ELMO1: variants seen among roughly 807,000 people sequenced by gnomAD.
ELMO1 encodes engulfment and cell motility protein 1.
In ELMO1, 26 loss-of-function variants were observed where a neutral mutation model predicts 98.9. The observed-to-expected ratio is 0.26, with a 90% confidence interval of 0.19 to 0.36. The LOEUF (loss-of-function observed/expected upper bound fraction) is 0.36, where lower values mean the gene tolerates loss of function less well. Among genes scored for constraint, ELMO1 ranks in the 10% least tolerant of loss-of-function variants. The pLI, the probability that ELMO1 is intolerant of heterozygous loss-of-function variation, is 1.00. For missense variants in ELMO1, 627 were observed against 935.2 expected (o/e 0.67, Z 4.30); for synonymous variants, 346 against 346.0 (o/e 1.00, Z 0.00).
intron 15 of ELMO1, among the ~76,000 whole-genome samples, chr7:37,035,567 G>A (rs1022353023): frequency 8.5e-5 from 13 of 152,212 alleles, no homozygotes; most frequent in African/African-American, 2.4e-4. Context: ...AGCTTGAAAT[G>A]TCAGGCAACT....
intron 15 of ELMO1, among the ~76,000 whole-genome samples, chr7:37,061,299 A>G (rs1310509148): frequency 6.6e-6 from 1 of 152,222 alleles, no homozygotes; most frequent in Non-Finnish European, 1.5e-5. Flanking sequence ...GGGTTTCTAC[A>G]TAGAGTTAGC....
Position 37,121,601 on chromosome 7 carries a change from A to C in ELMO1, c.1191+11529T>G, listed in dbSNP as rs550182746. 6.7e-3 allele frequency among the ~76,000 whole-genome samples: 1,014 copies of C among 152,314 alleles called. 10 individuals carry two copies. Among genetic ancestry groups the C allele is most frequent in the African/African-American group, 0.023 (960 of 41,566 alleles). ...AAAAAGAATAAAAAGAAATGAACAA[A>C]GCCTCCAAGAAATATGGGACTATGT... is the stretch of plus-strand genomic sequence containing the variant. On this transcript the variant is annotated intron_variant, in intron 14 of 21. Coordinates refer to ENST00000310758, the MANE Select transcript of ELMO1 (RefSeq NM_014800.11).
chr7:37,051,180 G>A (rs922901999), intron 15 of ELMO1, among the ~76,000 whole-genome samples: 1 of 152,196 alleles, frequency 6.6e-6, no homozygotes, highest in African/African-American at 2.4e-5. Flanking sequence ...AGTGCTAGAA[G>A]AAATGAGAAG....
intron 21 of ELMO1, among the ~76,000 whole-genome samples, chr7:36,858,099 T>C (rs184060111): frequency 2.0e-5 from 3 of 152,340 alleles, no homozygotes; most frequent in Admixed American, 1.3e-4. Context: ...TTGTTCTTCT[T>C]TGAAAGATGC....
intron 16 of ELMO1, among the ~76,000 whole-genome samples, chr7:36,938,205 C>T (rs138719112): frequency 6.6e-6 from 1 of 152,264 alleles, no homozygotes; most frequent in African/African-American, 2.4e-5. Flanking sequence ...GTGTTTCTTC[C>T]AGTTATAGTT....
intron 1 of ELMO1, among the ~76,000 whole-genome samples, chr7:37,418,917 G>T (rs150791576): frequency 1.3e-5 from 2 of 152,080 alleles, no homozygotes; most frequent in Admixed American, 6.6e-5. Context: ...TCGGGTACTC[G>T]CAACAAGACT....
intron 16 of ELMO1, among the ~76,000 whole-genome samples, chr7:36,920,694 C>T (rs562950709): frequency 1.1e-3 from 168 of 152,262 alleles, no homozygotes; most frequent in African/African-American, 3.7e-3. Flanking sequence ...AATTTAAGAA[C>T]AGAATTTTCC....
intron 16 of ELMO1, among the ~76,000 whole-genome samples, chr7:36,973,292 G>C (rs1424506005): frequency 6.6e-6 from 1 of 152,180 alleles, no homozygotes; most frequent in Non-Finnish European, 1.5e-5. Flanking sequence ...TTCTCCCCTA[G>C]CTGGCTAATC....
intron 18 of ELMO1, among the ~76,000 whole-genome samples, chr7:36,885,621 CA>C (rs1804912574): frequency 6.6e-6 from 1 of 151,850 alleles, no homozygotes. Context: ...CAATATATCC[CA>C]AACATTGATT....
chr7:37,175,554 A>T (rs1790453075), intron 13 of ELMO1, among the ~76,000 whole-genome samples: 1 of 152,124 alleles, frequency 6.6e-6, no homozygotes, highest in Non-Finnish European at 1.5e-5. Context: ...GCCCAACTCA[A>T]AACCCAACAG....
intron 15 of ELMO1, among the ~76,000 whole-genome samples, chr7:37,081,424 G>T (rs922355579): frequency 6.6e-5 from 10 of 152,290 alleles, no homozygotes; most frequent in African/African-American, 2.4e-4. Flanking sequence ...TCACCTAGGA[G>T]AATTTGGTAC....
intron 18 of ELMO1, among the ~76,000 whole-genome samples, chr7:36,879,731 G>T (rs1401982198): frequency 6.6e-6 from 1 of 152,064 alleles, no homozygotes; most frequent in African/African-American, 2.4e-5. Flanking sequence ...GAACTCTAGT[G>T]GAAAAAATTG....
chr7:36,952,579 T>A (rs1788059402), intron 16 of ELMO1, among the ~76,000 whole-genome samples: 1 of 152,116 alleles, frequency 6.6e-6, no homozygotes, highest in Non-Finnish European at 1.5e-5. Context: ...GTGGCTCTTA[T>A]GAAAGGGACG....
intron 4 of ELMO1, among the ~76,000 whole-genome samples, chr7:37,294,449 C>CCA (rs1482467533): frequency 6.6e-6 from 1 of 151,600 alleles, no homozygotes; most frequent in Non-Finnish European, 1.5e-5. Flanking sequence ...GTCAGGGTGA[C>CCA]GGGAATAGAA....
At chr7:36,933,137 TAGAC>T (rs1786191806) in intron 16 of ELMO1, among the ~76,000 whole-genome samples, 2 of 152,204 alleles carry the variant, frequency 1.3e-5, no homozygotes. Flanking sequence ...CACGTGGGGC[TAGAC>T]AGTATCTTTA....
At chr7:37,158,060 T>C (rs1310907079) in intron 13 of ELMO1, among the ~76,000 whole-genome samples, 1 of 152,168 alleles carries the variant, frequency 6.6e-6, no homozygotes, top group East Asian at 1.9e-4. Flanking sequence ...AGGGAAAGGA[T>C]TCCCTATTTA....
At chr7:37,399,713 A>G (rs1231206288) in intron 1 of ELMO1, among the ~76,000 whole-genome samples, 1 of 152,214 alleles carries the variant, frequency 6.6e-6, no homozygotes, top group East Asian at 1.9e-4. Flanking sequence ...ACCTAAAGTC[A>G]TCTGCAGCAT....
chr7:37,173,540 A>G (rs1015606510), intron 13 of ELMO1, among the ~76,000 whole-genome samples: 4 of 152,272 alleles, frequency 2.6e-5, no homozygotes, highest in African/African-American at 7.2e-5. Context: ...CTCCTAGTCC[A>G]TGCTGCTGTT....
rs529090419 is a variant in ELMO1 at position 37,332,242 on chromosome 7, G to A, written c.78+10371C>T. Among the ~76,000 whole-genome samples the A allele has an allele frequency of 6.6e-5, 10 of 152,318 alleles. No individual in the cohort carries two copies. The East Asian group carries it at 1.9e-3, about 29-fold the overall frequency. Reference sequence around the variant, plus strand: ...TGTAATAATGTATTTAGAATACATGGTGCAAACAAGGCAAAGAATGCCTTC... The same window carrying A: ...TGTAATAATGTATTTAGAATACATGATGCAAACAAGGCAAAGAATGCCTTC... On this transcript the variant is annotated intron_variant, in intron 2 of 21. Transcript: ENST00000310758.
Sources: allele counts gnomAD v4.1 joint callset (sites outside exome capture counted in the v4.1 genomes callset), GRCh38; gene constraint gnomAD v4.1.1; transcripts MANE v1.5; gene names NCBI Gene and HGNC (gene_info 2026-07-23, HGNC 2026-07-21).